The following TRDN variants were observed in gnomAD, a reference collection of about 807,000 sequenced individuals.
TRDN encodes triadin in skeletal muscle.
In TRDN, 161 loss-of-function variants were observed where a neutral mutation model predicts 149.7. The ratio of observed to expected loss-of-function variants is 1.08; its 90% CI spans 0.95 to 1.23. TRDN has a LOEUF of 1.23. TRDN is among the 50% of genes most tolerant of loss of function. TRDN has a pLI of 0.00. For missense variants in TRDN, 896 were observed against 823.5 expected, an observed-to-expected ratio of 1.09 and a Z score of -1.08; for synonymous variants, 294 against 250.5, an observed-to-expected ratio of 1.17 and a Z score of -1.64.
At chr6:123,244,064 C>T (rs1401394853) in intron 38 of TRDN, among the ~76,000 whole-genome samples, 1 of 152,086 alleles carries the variant, frequency 6.6e-6, no homozygotes, top group Non-Finnish European at 1.5e-5. Flanking sequence ...ACAAAAAGGA[C>T]ATCCATGCAA....
chr6:123,384,788 A>C (rs143063384), intron 14 of TRDN, among the ~76,000 whole-genome samples: 1,755 of 152,334 alleles, frequency 0.012, 34 homozygotes, highest in African/African-American at 0.04. Context: ...ACAGAAATGT[A>C]GAACTAAAGT....
chr6:123,438,996 T>G lies in TRDN; in HGVS notation c.939A>C (p.Glu313Asp). 6.4e-7 allele frequency: 1 copy of G among 1,555,632 alleles called. No individual in the cohort carries two copies. Among genetic ancestry groups the G allele is most frequent in the Non-Finnish European group, 8.7e-7 (1 of 1,148,734 alleles). ...TPASPALEEK[E>D]GEKKKAEKKV... is the part of the protein sequence containing the mutation. ...TCTTCTCAGCCTTCTTCTTTTCCCC[T>G]TCTTTTTCTAGAGAATACATTTAAA... Residue 313 changes from glutamate (E) to aspartate (D), a missense_variant, in exon 11 of 41, where the codon GAA becomes GAC. Physicochemically the swap from Glu to Asp is conservative, Grantham distance 45. Coordinates refer to ENST00000334268, the MANE Select transcript of TRDN (RefSeq NM_006073.4).
intron 5 of TRDN, among the ~76,000 whole-genome samples, chr6:123,527,047 A>G (rs1320658268): frequency 1.3e-5 from 2 of 152,044 alleles, no homozygotes; most frequent in South Asian, 2.1e-4. Flanking sequence ...GCAAAGAAAG[A>G]TTAATTATCT....
chr6:123,407,678 T>G (rs1358720405), intron 12 of TRDN, among the ~76,000 whole-genome samples: 1 of 152,058 alleles, frequency 6.6e-6, no homozygotes, highest in East Asian at 1.9e-4. Flanking sequence ...AATAATGAAC[T>G]AAAGGAATAA....
intron 1 of TRDN, among the ~76,000 whole-genome samples, chr6:123,590,397 C>T (rs1167655163): frequency 6.6e-6 from 1 of 152,166 alleles, no homozygotes; most frequent in Admixed American, 6.5e-5. Context: ...ACAGGGAACA[C>T]ACTTCAGAGT....
At chr6:123,596,004 T>A (rs1259434183) in intron 1 of TRDN, among the ~76,000 whole-genome samples, 12 of 152,104 alleles carry the variant, frequency 7.9e-5, no homozygotes, top group Admixed American at 7.9e-4. Flanking sequence ...GCTACAATGA[T>A]TAAGCTTAGT....
intron 4 of TRDN, among the ~76,000 whole-genome samples, chr6:123,531,219 C>T (rs935164891): frequency 2.0e-5 from 3 of 151,982 alleles, no homozygotes; most frequent in African/African-American, 7.2e-5. Flanking sequence ...TCTGAATTTA[C>T]AGTTAATTTG....
chr6:123,397,826 A>G (rs1390998193), intron 12 of TRDN, among the ~76,000 whole-genome samples: 4 of 152,212 alleles, frequency 2.6e-5, no homozygotes, highest in Non-Finnish European at 5.9e-5. Context: ...GAGGAGAAAC[A>G]AACAACAAAA....
chr6:123,387,646 C>T (rs958156714), intron 14 of TRDN, among the ~76,000 whole-genome samples: 9 of 152,162 alleles, frequency 5.9e-5, no homozygotes, highest in Admixed American at 3.9e-4. Flanking sequence ...ATCTCAGAGA[C>T]CCACAGGAGT....
In TRDN at chr6:123,393,686, GA is replaced by G; in HGVS notation, c.1052-10del. The G allele has an allele frequency of 1.3e-6, 2 of 1,597,166 alleles. No homozygotes were observed. Among genetic ancestry groups the G allele is most frequent in the Non-Finnish European group, 1.7e-6 (2 of 1,170,764 alleles). Reference sequence around the variant, plus strand: ...AGAAGCTTTTCCCGGCTCTTGGAATGAAAAAAACATAAATTACCATGAAGTA... The same window carrying G: ...AGAAGCTTTTCCCGGCTCTTGGAATGAAAAAACATAAATTACCATGAAGTA... On this transcript the variant is annotated splice_polypyrimidine_tract_variant and intron_variant, in intron 12 of 40. Coordinates refer to ENST00000334268, the MANE Select transcript of TRDN (RefSeq NM_006073.4).
chr6:123,257,168 C>A (rs1039226364), intron 35 of TRDN, among the ~76,000 whole-genome samples: 4 of 151,828 alleles, frequency 2.6e-5, no homozygotes, highest in Admixed American at 6.6e-5. Flanking sequence ...TTAGTAGAGA[C>A]AGAGTTTCAC....
At chr6:123,611,602 A>C (rs913931549) in intron 1 of TRDN, among the ~76,000 whole-genome samples, 4 of 152,192 alleles carry the variant, frequency 2.6e-5, no homozygotes, top group African/African-American at 9.6e-5. Context: ...TATATATAGT[A>C]TATGAACTGT....
intron 10 of TRDN, among the ~76,000 whole-genome samples, chr6:123,460,089 T>C (rs547884955): frequency 6.6e-6 from 1 of 152,338 alleles, no homozygotes; most frequent in Admixed American, 6.5e-5. Flanking sequence ...AGTTGACACA[T>C]AATCTTGAAA....
intron 12 of TRDN, among the ~76,000 whole-genome samples, chr6:123,405,698 C>T (rs1249121763): frequency 1.3e-5 from 2 of 152,076 alleles, no homozygotes; most frequent in African/African-American, 4.8e-5. Flanking sequence ...CAACCAGGCT[C>T]ACATTATGAT....
intron 21 of TRDN, chr6:123,349,688 T>C (rs1780383842): frequency 1.0e-6 from 1 of 968,956 alleles, no homozygotes; most frequent in African/African-American, 1.8e-5. Context: ...ACATTCATTA[T>C]ATTCAAATGG....
chr6:123,260,124 T>C (rs1027516544), intron 34 of TRDN, among the ~76,000 whole-genome samples: 2 of 151,966 alleles, frequency 1.3e-5, no homozygotes, highest in African/African-American at 2.4e-5. Flanking sequence ...TTTTATGCTT[T>C]GAAGACAAGC....
intron 14 of TRDN, 32 bp from the exon 15 acceptor site, chr6:123,382,179 C>A (rs1019898318): frequency 2.8e-6 from 4 of 1,439,858 alleles, no homozygotes; most frequent in Admixed American, 2.5e-5. Flanking sequence ...ATTAATAAAA[C>A]AGATACAATA....
chr6:123,503,354 G>A (rs1778778761), intron 8 of TRDN: 1 of 985,034 alleles, frequency 1.0e-6, no homozygotes, highest in South Asian at 4.7e-5. Flanking sequence ...CTGTCATTTT[G>A]GGGGACCACT....
intron 38 of TRDN, among the ~76,000 whole-genome samples, chr6:123,240,078 T>C (rs1187361854): frequency 6.6e-6 from 1 of 151,900 alleles, no homozygotes; most frequent in Non-Finnish European, 1.5e-5. Flanking sequence ...ATACATGTCA[T>C]AAAATTAGAA....
Sources: gnomAD v4.1 joint callset for allele counts (sites outside exome capture counted in the v4.1 genomes callset) on GRCh38, gnomAD v4.1.1 for gene constraint, MANE v1.5 for transcripts, NCBI Gene and HGNC (gene_info 2026-07-23, HGNC 2026-07-21) for gene names.